The following SMIM31 variants were observed in gnomAD, a reference collection of about 807,000 sequenced individuals.
SMIM31 encodes the protein human epithelial cell program regulator.
chr4:164,784,246 A>G (rs1732998411), intron 2 of SMIM31, among the ~76,000 whole-genome samples: 1 of 152,206 alleles, frequency 6.6e-6, no homozygotes, highest in Non-Finnish European at 1.5e-5. Context: ...AGACGTTCCA[A>G]GCTTGACTCC....
chr4:164,793,290 T>C (rs1000078670), intron 2 of SMIM31, among the ~76,000 whole-genome samples: 1 of 152,186 alleles, frequency 6.6e-6, no homozygotes, highest in African/African-American at 2.4e-5. Flanking sequence ...GAATCATTTG[T>C]ATTCCAAACC....
At chr4:164,778,686 G>A (rs1039789849) in intron 2 of SMIM31, among the ~76,000 whole-genome samples, 2 of 152,156 alleles carry the variant, frequency 1.3e-5, no homozygotes, top group African/African-American at 4.8e-5. Flanking sequence ...ATTCCCAGAA[G>A]CAATGTGCCC....
chr4:164,766,309 C>T (rs1190436224), intron 1 of SMIM31, among the ~76,000 whole-genome samples: 1 of 152,174 alleles, frequency 6.6e-6, no homozygotes, highest in East Asian at 1.9e-4. Flanking sequence ...TTTCCATTCA[C>T]AGCTGTGAAA....
In SMIM31 at chr4:164,769,389, C is replaced by T. The variant is rs181594903; in HGVS notation, c.-25-1030C>T. On this transcript the variant is annotated intron_variant, in intron 1 of 2. Coordinates refer to ENST00000507311, the MANE Select transcript of SMIM31 (RefSeq NM_001352885.1). Reference sequence around the variant, plus strand: ...TTGCTTAACCCATTGTATCTTCTACCACCTAACATAAAAACTCCTCTCCCA... The same window carrying T: ...TTGCTTAACCCATTGTATCTTCTACTACCTAACATAAAAACTCCTCTCCCA... 3.9e-5 allele frequency among the ~76,000 whole-genome samples: 6 copies of T among 152,058 alleles called. No homozygotes were observed. In the East Asian group the frequency reaches 1.2e-3, roughly 29 times the overall value.
At chr4:164,777,251 C>A (rs1371260247) in intron 2 of SMIM31, among the ~76,000 whole-genome samples, 1 of 152,118 alleles carries the variant, frequency 6.6e-6, no homozygotes, top group East Asian at 1.9e-4. Flanking sequence ...ATAGGCATGC[C>A]CTCAGGGCAG....
intron 1 of SMIM31, among the ~76,000 whole-genome samples, chr4:164,758,835 TTTTTTTG>T (rs1732607071): frequency 1.6e-5 from 1 of 63,272 alleles, no homozygotes; most frequent in African/African-American, 5.2e-5. Context: ...TTTTTTTTTT[TTTTTTTG>T]TATTTTTAGT....
chr4:164,755,554 G>A (rs868537399), intron 1 of SMIM31, among the ~76,000 whole-genome samples: 3 of 21,438 alleles, frequency 1.4e-4, no homozygotes, highest in African/African-American at 4.0e-4. Context: ...GGGAGGGGAG[G>A]GGAGGGGAGG....
chr4:164,754,786 T>C (rs1232987614), intron 1 of SMIM31, among the ~76,000 whole-genome samples: 1 of 151,530 alleles, frequency 6.6e-6, no homozygotes, highest in African/African-American at 2.4e-5. Flanking sequence ...TCAGTTCTTA[T>C]ACTTTTCTAT....
chr4:164,793,545 G>A (rs934975080), intron 2 of SMIM31, among the ~76,000 whole-genome samples: 6 of 152,172 alleles, frequency 3.9e-5, no homozygotes, highest in African/African-American at 7.2e-5. Flanking sequence ...TACTGGTCAA[G>A]TAGGTTTTAT....
chr4:164,794,086 A>G (rs1484919782), intron 2 of SMIM31, among the ~76,000 whole-genome samples: 1 of 152,220 alleles, frequency 6.6e-6, no homozygotes, highest in East Asian at 1.9e-4. Flanking sequence ...ACAGGTTGAA[A>G]AGGCAACCTG....
intron 1 of SMIM31, among the ~76,000 whole-genome samples, chr4:164,761,840 T>C (rs549959043): frequency 6.6e-6 from 1 of 151,868 alleles, no homozygotes; most frequent in Non-Finnish European, 1.5e-5. Context: ...AGAGAAGTGC[T>C]TGAACCCGGG....
intron 2 of SMIM31, among the ~76,000 whole-genome samples, chr4:164,792,833 G>A (rs1167618578): frequency 6.6e-6 from 1 of 151,750 alleles, no homozygotes; most frequent in African/African-American, 2.4e-5. Flanking sequence ...AAAAATAAGA[G>A]CAAAGTTGGA....
chr4:164,801,267 C>A lies in SMIM31; in HGVS notation c.*73C>A, dbSNP rs11724553. The A allele has an allele frequency of 0.72, 288,402 of 397,916 alleles. 106,563 individuals carry two copies. Among genetic ancestry groups the A allele is most frequent in the Non-Finnish European group, 0.79 (179,254 of 225,642 alleles). The allele number at this position is 397,916 out of a possible 1,614,324, so 24.6% of individuals were successfully genotyped here. A position where few individuals can be genotyped will look rare whatever the true frequency, so the allele number is the denominator to read the frequency against. ...CATGGGAACTACTTATCCACAGTTA[C>A]ACAAGAGGAGGGGATAATGAAGAAA... On this transcript the variant is annotated 3_prime_UTR_variant, in exon 3 of 3. Coordinates refer to ENST00000507311, the MANE Select transcript of SMIM31 (RefSeq NM_001352885.1).
intron 2 of SMIM31, among the ~76,000 whole-genome samples, chr4:164,786,011 A>T (rs6835124): frequency 3.3e-5 from 5 of 152,026 alleles, no homozygotes; most frequent in African/African-American, 1.2e-4. Flanking sequence ...GGTTTCCTAT[A>T]GGAAATGACC....
At chr4:164,772,863 C>T (rs1368227934) in intron 2 of SMIM31, among the ~76,000 whole-genome samples, 3 of 151,690 alleles carry the variant, frequency 2.0e-5, no homozygotes, top group African/African-American at 7.3e-5. Context: ...CAGGCGTGAG[C>T]CACCGCGCCC....
intron 2 of SMIM31, among the ~76,000 whole-genome samples, chr4:164,792,768 A>C (rs955392870): frequency 6.6e-6 from 1 of 152,170 alleles, no homozygotes; most frequent in African/African-American, 2.4e-5. Context: ...GAAATAAAAA[A>C]ATTTATCATA....
At chr4:164,761,389 C>T (rs980200826) in intron 1 of SMIM31, among the ~76,000 whole-genome samples, 15 of 152,122 alleles carry the variant, frequency 9.9e-5, no homozygotes, top group Admixed American at 9.2e-4. Context: ...TCATAAATCA[C>T]CTTTGAACCT....
At chr4:164,791,955 G>A (rs1733107109) in intron 2 of SMIM31, among the ~76,000 whole-genome samples, 1 of 152,154 alleles carries the variant, frequency 6.6e-6, no homozygotes, top group South Asian at 2.1e-4. Context: ...GTGGTATCTG[G>A]TTTTCTATTC....
At chr4:164,759,041 G>C (rs1008281704) in intron 1 of SMIM31, among the ~76,000 whole-genome samples, 1 of 151,400 alleles carries the variant, frequency 6.6e-6, no homozygotes, top group East Asian at 1.9e-4. Flanking sequence ...ATGTTAAGCC[G>C]ACCCTGGGAT....
Sources: allele counts gnomAD v4.1 joint callset (sites outside exome capture counted in the v4.1 genomes callset), GRCh38; gene constraint gnomAD v4.1.1; transcripts MANE v1.5; gene names NCBI Gene and HGNC (gene_info 2026-07-23, HGNC 2026-07-21).